Variants in ERP44 observed in about 807,000 individuals in gnomAD.
The protein encoded by ERP44 is endoplasmic reticulum resident protein 44.
In ERP44, 25 loss-of-function variants were observed where a neutral mutation model predicts 53.4. The ratio of observed to expected loss-of-function variants is 0.47; its 90% confidence interval spans 0.34 to 0.65. The LOEUF (loss-of-function observed/expected upper bound fraction) is 0.65, where lower values mean the gene tolerates loss of function less well. ERP44 is among the 30% of genes least tolerant of loss of function. ERP44 has a pLI of 0.01. For missense variants in ERP44, 338 were observed against 493.2 expected (o/e 0.69, Z 2.98); for synonymous variants, 145 against 161.2 (o/e 0.90, Z 0.76).
intron 8 of ERP44, among the ~76,000 whole-genome samples, chr9:100,010,516 C>T (rs1376931967): frequency 6.6e-6 from 1 of 152,148 alleles, no homozygotes; most frequent in Non-Finnish European, 1.5e-5. Flanking sequence ...TTAAATTTTC[C>T]TGGGCCTCTG....
At chr9:100,072,679 C>A (rs1208916626) in intron 1 of ERP44, among the ~76,000 whole-genome samples, 1 of 152,118 alleles carries the variant, frequency 6.6e-6, no homozygotes, top group Non-Finnish European at 1.5e-5. Flanking sequence ...TGCGCCACCA[C>A]GTCTGGCTAA....
At chr9:100,068,394 CCCTGCCCGG>C (rs1224395113) in intron 1 of ERP44, among the ~76,000 whole-genome samples, 7 of 100,566 alleles carry the variant, frequency 7.0e-5, no homozygotes, top group Non-Finnish European at 1.2e-4. Context: ...GGGGTCAGCC[CCCTGCCCGG>C]CCAGCCGCCG....
intron 4 of ERP44, among the ~76,000 whole-genome samples, chr9:100,038,851 T>C (rs1825872602): frequency 6.6e-6 from 1 of 152,144 alleles, no homozygotes; most frequent in African/African-American, 2.4e-5. Flanking sequence ...AAGATCACTA[T>C]ACTTATATCA....
intron 10 of ERP44, among the ~76,000 whole-genome samples, chr9:99,986,910 T>C (rs559331761): frequency 1.2e-4 from 18 of 152,340 alleles, no homozygotes; most frequent in Non-Finnish European, 2.1e-4. Context: ...TGCTAAAATA[T>C]ATCCATTCAA....
chr9:100,013,141 T>G (rs569172412), intron 8 of ERP44, among the ~76,000 whole-genome samples: 3 of 152,174 alleles, frequency 2.0e-5, no homozygotes, highest in Admixed American at 6.5e-5. Context: ...TCTGGAAAGA[T>G]TCAGGGAATC....
At position 99,994,082 on chromosome 9, in the gene ERP44, A is replaced by G. The variant is rs541755144; in HGVS notation, c.1017-9013T>C. Among the ~76,000 whole-genome samples the G allele has an allele frequency of 3.9e-5, 6 of 152,336 alleles. No homozygotes were observed. In the East Asian group the frequency reaches 1.2e-3, roughly 29 times the overall value. On this transcript the variant is annotated intron_variant, in intron 10 of 11. Coordinates refer to ENST00000262455, the MANE Select transcript of ERP44 (RefSeq NM_015051.3). ...GTGTAAACTAGTTCAACCATTGTGG[A>G]AGACAGTGTGGCAATTCCTCCAGGA...
At position 99,999,132 on chromosome 9, in the gene ERP44, T is replaced by C. The variant is rs894887146; in HGVS notation, c.1016+7374A>G. 3.3e-4 allele frequency: 195 copies of C among 591,078 alleles called. No homozygotes were observed. The African/African-American group carries it at 3.4e-3, about 10-fold the overall frequency. The allele number at this position is 591,078 out of a possible 1,614,324, so 36.6% of individuals were successfully genotyped here. A position where few individuals can be genotyped will look rare whatever the true frequency, so the allele number is the denominator to read the frequency against. On this transcript the variant is annotated intron_variant, in intron 10 of 11. Transcript: ENST00000262455. Reference sequence around the variant, plus strand: ...TGGACACGGCGCACCTGAGGCACAGTGTACCGCGCTGGGAGGCCAGGGCTC... The same window carrying C: ...TGGACACGGCGCACCTGAGGCACAGCGTACCGCGCTGGGAGGCCAGGGCTC...
intron 4 of ERP44, among the ~76,000 whole-genome samples, chr9:100,047,536 A>G (rs1825986786): frequency 6.6e-6 from 1 of 152,178 alleles, no homozygotes; most frequent in Non-Finnish European, 1.5e-5. Context: ...TTGGGCCCTT[A>G]CCTTGTTCCA....
intron 9 of ERP44, among the ~76,000 whole-genome samples, chr9:100,007,038 C>A (rs1255086710): frequency 6.6e-6 from 1 of 152,124 alleles, no homozygotes. Flanking sequence ...GATTTTTAGT[C>A]GAATTCAACC....
intron 7 of ERP44, among the ~76,000 whole-genome samples, chr9:100,017,003 T>C (rs1357347783): frequency 6.6e-6 from 1 of 152,220 alleles, no homozygotes; most frequent in Non-Finnish European, 1.5e-5. Context: ...CTGAAAATTT[T>C]AGAAATTTCT....
intron 10 of ERP44, among the ~76,000 whole-genome samples, chr9:99,988,075 A>G (rs1363766871): frequency 6.6e-6 from 1 of 152,182 alleles, no homozygotes; most frequent in East Asian, 1.9e-4. Flanking sequence ...TCATGTTGTA[A>G]TCCACCAGCA....
chr9:100,052,459 C>T lies in ERP44; in HGVS notation c.244G>A (p.Glu82Lys), dbSNP rs758641015. 18 of 1,612,354 alleles carry T rather than the reference C, an allele frequency of 1.1e-5. No homozygotes were observed. The Admixed American group carries it at 3.0e-4, about 27-fold the overall frequency. The change falls in exon 4 of 12, where the codon GAA becomes AAA. Residue 82 changes from glutamate (E) to lysine (K), a missense_variant. Physicochemically the swap from Glu to Lys is moderately conservative, Grantham distance 56. This residue lies in a region of ERP44 where 224 missense variants were observed against 301.4 expected (regional missense o/e 0.74). Transcript: ENST00000262455. ...ACTCTGGCAAACACTACTTGATTTT[C>T]ATTTGGAAATTCTTCCTTAATGACA... ...SDVIKEEFPN[E>K]NQVVFARVDC... is the part of the protein sequence containing the mutation.
chr9:99,983,901 CA>C (rs1830173287), intron 11 of ERP44, among the ~76,000 whole-genome samples: 1 of 152,196 alleles, frequency 6.6e-6, no homozygotes, highest in South Asian at 2.1e-4. Flanking sequence ...CAAAGATGAA[CA>C]AATGTAAGTT....
chr9:100,042,233 T>G (rs762695212), intron 4 of ERP44, among the ~76,000 whole-genome samples: 54 of 152,288 alleles, frequency 3.5e-4, no homozygotes, highest in Middle Eastern at 3.4e-3. Context: ...ATAATCTGAT[T>G]AAATAATAAG....
At chr9:100,059,718 A>G (rs1288625172) in intron 2 of ERP44, among the ~76,000 whole-genome samples, 3 of 152,112 alleles carry the variant, frequency 2.0e-5, no homozygotes, top group Admixed American at 2.0e-4. Context: ...TAAAAAAAGT[A>G]CTGAGCTTAA....
intron 3 of ERP44, 75 bp from the exon 4 acceptor site, chr9:100,052,607 G>C: frequency 3.5e-5 from 23 of 665,962 alleles, no homozygotes; most frequent in East Asian, 9.3e-5. Context: ...ATTGCCCACT[G>C]ACATTTGATA....
intron 4 of ERP44, among the ~76,000 whole-genome samples, chr9:100,037,120 A>G (rs951434168): frequency 1.3e-5 from 2 of 151,972 alleles, no homozygotes; most frequent in Non-Finnish European, 2.9e-5. Context: ...CACCAACACC[A>G]CCCCTCACTC....
chr9:100,010,388 C>T (rs374415446), intron 8 of ERP44, among the ~76,000 whole-genome samples: 2 of 152,074 alleles, frequency 1.3e-5, no homozygotes, highest in South Asian at 2.1e-4. Flanking sequence ...CCAACAACCA[C>T]GGGGAAGGGA....
At chr9:99,987,537 C>T (rs868497584) in intron 10 of ERP44, among the ~76,000 whole-genome samples, 15 of 152,264 alleles carry the variant, frequency 9.9e-5, no homozygotes, top group Admixed American at 4.6e-4. Context: ...CAAGGTAATA[C>T]GTATTTTTAT....
Sources: allele counts gnomAD v4.1 joint callset (sites outside exome capture counted in the v4.1 genomes callset), GRCh38; gene constraint gnomAD v4.1.1; regional missense constraint gnomAD v4.1.1; transcripts MANE v1.5; gene names NCBI Gene and HGNC (gene_info 2026-07-23, HGNC 2026-07-21).